The following RANBP2 variants were observed in gnomAD, a reference collection of about 807,000 sequenced individuals.
The protein encoded by RANBP2 is E3 SUMO-protein ligase RanBP2.
Under a neutral mutation model 303.6 loss-of-function variants are expected in RANBP2, and 57 were observed. That is an observed-to-expected ratio of 0.19 (90% confidence interval 0.15 to 0.23). The LOEUF (loss-of-function observed/expected upper bound fraction) is 0.23, where lower values mean the gene tolerates loss of function less well. Ranked by LOEUF, RANBP2 falls within the 10% of genes least tolerant of loss-of-function variation. RANBP2 has a pLI of 1.00. For missense variants in RANBP2, 3,138 were observed against 3,780.8 expected (o/e 0.83, Z 4.46); for synonymous variants, 1,167 against 1,301.5 (o/e 0.90, Z 2.23).
chr2:109,453,927 G>A, the RANBP2 span, among the ~76,000 whole-genome samples: 1 of 152,234 alleles, frequency 6.6e-6, no homozygotes, highest in Admixed American at 6.5e-5. Flanking sequence ...GAGGGCCAGG[G>A]ACGGGAGAGG....
chr2:108,873,920 A>T, the RANBP2 span, among the ~76,000 whole-genome samples: 83 of 152,246 alleles, frequency 5.5e-4, 4 homozygotes, highest in East Asian at 0.016. Flanking sequence ...TTAAAAAAAA[A>T]TTTCCATTAT....
At chr2:109,451,949 T>C in the RANBP2 span, among the ~76,000 whole-genome samples, 8 of 152,232 alleles carry the variant, frequency 5.3e-5, no homozygotes, top group East Asian at 1.5e-3. Flanking sequence ...TCTGAGCTTA[T>C]GTCCAGAGGT....
the RANBP2 span, chr2:109,502,589 G>A: frequency 1.3e-5 from 2 of 152,170 alleles, no homozygotes; most frequent in Non-Finnish European, 2.9e-5. Context: ...TCCATTGAGG[G>A]GGTCGGAGGG....
chr2:109,021,196 G>A, the RANBP2 span, among the ~76,000 whole-genome samples: 1 of 152,198 alleles, frequency 6.6e-6, no homozygotes, highest in Admixed American at 6.5e-5. Context: ...CAAGTGATAA[G>A]CAACACCGAT....
the RANBP2 span, among the ~76,000 whole-genome samples, chr2:109,111,611 G>T: frequency 8.8e-3 from 1,300 of 147,602 alleles, 13 homozygotes; most frequent in East Asian, 0.038. Context: ...TTTTTTTTAG[G>T]TTTTTTTTAA....
At chr2:109,636,749 C>T in the RANBP2 span, among the ~76,000 whole-genome samples, 1 of 152,034 alleles carries the variant, frequency 6.6e-6, no homozygotes, top group Admixed American at 6.6e-5. Context: ...ACCAGCCTGG[C>T]CAACATGATG....
Position 108,781,382 on chromosome 2 carries a change from G to A in RANBP2, c.8713G>A (p.Val2905Ile), listed in dbSNP as rs191787742. 63 of 1,614,086 alleles carry A rather than the reference G, an allele frequency of 3.9e-5. No individual in the cohort carries two copies. Among genetic ancestry groups the A allele is most frequent in the Non-Finnish European group, 4.2e-6 (5 of 1,179,976 alleles). Residue 2905 changes from valine (V) to isoleucine (I), a missense_variant, in exon 26 of 29, where the codon GTT becomes ATT. Physicochemically the swap from Val to Ile is conservative, Grantham distance 29. Around this residue, in one of 20 missense-constraint regions of RANBP2, gnomAD observed 68 missense variants for 117.4 expected, o/e 0.58. Coordinates refer to ENST00000283195, the MANE Select transcript of RANBP2 (RefSeq NM_006267.5). ...EDEDGSDEEV[V>I]HNEDIHFEPI... ...TGAAGATGGTAGTGATGAAGAAGTA[G>A]TTCATAATGAAGATATCCATTTTGA...
At chr2:109,303,270 T>C in the RANBP2 span, among the ~76,000 whole-genome samples, 1 of 152,210 alleles carries the variant, frequency 6.6e-6, no homozygotes, top group South Asian at 2.1e-4. Context: ...CCCTCACATA[T>C]GCTTCCCAGT....
the RANBP2 span, among the ~76,000 whole-genome samples, chr2:109,246,616 A>G: frequency 6.6e-6 from 1 of 152,170 alleles, no homozygotes; most frequent in Non-Finnish European, 1.5e-5. Context: ...CTTCCTTTCC[A>G]CACACAGCCA....
the RANBP2 span, among the ~76,000 whole-genome samples, chr2:109,040,760 T>A: frequency 2.0e-5 from 3 of 152,222 alleles, no homozygotes; most frequent in Non-Finnish European, 4.4e-5. Context: ...TTAAATTTAA[T>A]CTTCTAAAAG....
At chr2:109,128,204 C>T in the RANBP2 span, 1 of 152,270 alleles carries the variant, frequency 6.6e-6, no homozygotes, top group African/African-American at 2.4e-5. Context: ...AGCCCACCGC[C>T]AAACTTCCCT....
the RANBP2 span, among the ~76,000 whole-genome samples, chr2:109,698,198 C>G: frequency 5.3e-5 from 8 of 152,002 alleles, no homozygotes; most frequent in Non-Finnish European, 1.0e-4. Context: ...TATAAATTAA[C>G]CCAGTTTTTT....
the RANBP2 span, chr2:109,128,174 G>C: frequency 6.6e-6 from 1 of 152,270 alleles, no homozygotes; most frequent in African/African-American, 2.4e-5. Flanking sequence ...GCACGGCAGG[G>C]AATCTTCGCC....
At chr2:109,613,779 C>T in the RANBP2 span, 44 of 1,222,066 alleles carry the variant, frequency 3.6e-5, no homozygotes, top group Non-Finnish European at 4.3e-5. Context: ...GCTGGGGCCC[C>T]GGCGTCGGCG....
rs2557918 is a variant in RANBP2 at position 108,753,262 on chromosome 2, T to A, written c.1917+103T>A. The stretch of plus-strand genomic sequence containing the variant: ...TTAAATTAATTGCCTTGTTATTTAA[T>A]GGTAATCTTGTTTTCTAAATTCACT... On this transcript the variant is annotated intron_variant, in intron 13 of 28. Transcript: ENST00000283195. The A allele has an allele frequency of 3.6e-4, 571 of 1,605,544 alleles. 3 individuals are homozygous for A. The African/African-American group carries it at 6.8e-3, about 19-fold the overall frequency.
At chr2:109,139,157 G>A in the RANBP2 span, among the ~76,000 whole-genome samples, 98 of 152,274 alleles carry the variant, frequency 6.4e-4, no homozygotes, top group East Asian at 0.018. Flanking sequence ...CCAAATCTGC[G>A]TAACTTAAAA....
the RANBP2 span, among the ~76,000 whole-genome samples, chr2:108,816,436 G>A: frequency 1.3e-5 from 2 of 152,136 alleles, no homozygotes; most frequent in Non-Finnish European, 2.9e-5. Flanking sequence ...GGGCAACAGA[G>A]CAAGACTCTG....
chr2:109,013,502 G>A, the RANBP2 span, among the ~76,000 whole-genome samples: 1 of 152,158 alleles, frequency 6.6e-6, no homozygotes, highest in East Asian at 1.9e-4. Context: ...AAAGCAGAGG[G>A]TGTGTGCTCC....
chr2:108,997,094 A>G, the RANBP2 span, among the ~76,000 whole-genome samples: 2 of 152,150 alleles, frequency 1.3e-5, no homozygotes, highest in Non-Finnish European at 2.9e-5. Flanking sequence ...AAACTTTCCT[A>G]AACTCCTCAT....
Sources: allele counts gnomAD v4.1 joint callset (sites outside exome capture counted in the v4.1 genomes callset), GRCh38; gene constraint gnomAD v4.1.1; regional missense constraint gnomAD v4.1.1; transcripts MANE v1.5; gene names NCBI Gene and HGNC (gene_info 2026-07-23, HGNC 2026-07-21).